The following ZNF169 variants were observed in gnomAD, a reference collection of about 807,000 sequenced individuals.
ZNF169 encodes zinc finger protein 169.
ZNF169 carries 11 observed loss-of-function variants against 12.0 expected under a neutral mutation model. The observed-to-expected ratio is 0.92, with a 90% confidence interval of 0.58 to 1.52. The LOEUF is 1.52. ZNF169 is among the 40% of genes most tolerant of loss of function. The pLI is 0.00. For missense variants in ZNF169, 722 were observed against 744.0 expected (o/e 0.97, Z 0.34); for synonymous variants, 302 against 286.5 (o/e 1.05, Z -0.55).
In ZNF169 at chr9:94,299,913, A is replaced by G. The variant is rs1831020944; in HGVS notation, c.355A>G (p.Ile119Val). The stretch of plus-strand genomic sequence containing the variant: ...TGCGCTAAGTGGCCATCCCACACAG[A>G]TCTTCCCAAGCTCATCTGCAGGAGG... ...QYALSGHPTQIFPSSSAGGDF... is the reference protein window; with the variant it reads ...QYALSGHPTQVFPSSSAGGDF... The change falls in exon 5 of 5, where the codon ATC (isoleucine) becomes GTC (valine). Residue 119 changes from isoleucine to valine, a missense_variant. Ile to Val is a conservative substitution (Grantham distance 29). Coordinates refer to ENST00000395395, the MANE Select transcript of ZNF169 (RefSeq NM_194320.4). The G allele has an allele frequency of 1.2e-6, 2 of 1,614,168 alleles. No individual in the cohort carries two copies. The highest frequency in any genetic ancestry group is 3.3e-4 in the Middle Eastern group (2 of 6,062).
chr9:94,279,829 G>A (rs752980112), intron 2 of ZNF169, among the ~76,000 whole-genome samples: 4 of 152,124 alleles, frequency 2.6e-5, no homozygotes, highest in Non-Finnish European at 4.4e-5. Context: ...ATTTAGTTTT[G>A]CAGGCCCATA....
At chr9:94,299,492 CAA>C (rs950997895) in intron 4 of ZNF169, 25 of 1,259,350 alleles carry the variant, frequency 2.0e-5, no homozygotes, top group Non-Finnish European at 2.5e-5. Flanking sequence ...GCAGGCCGAA[CAA>C]ATGTTTCTCA....
At chr9:94,296,906 G>A (rs964415619) in intron 4 of ZNF169, 2 of 442,006 alleles carry the variant, frequency 4.5e-6, no homozygotes, top group African/African-American at 2.0e-5. Flanking sequence ...AACTAGCCGA[G>A]TGTGGTGGTG....
At chr9:94,298,154 G>A (rs1291875227) in intron 4 of ZNF169, among the ~76,000 whole-genome samples, 4 of 149,118 alleles carry the variant, frequency 2.7e-5, no homozygotes, top group Non-Finnish European at 3.0e-5. Flanking sequence ...GCGACAGTGC[G>A]AGACTCCTTT....
At chr9:94,288,777 C>T (rs190739055) in intron 2 of ZNF169, among the ~76,000 whole-genome samples, 1 of 152,282 alleles carries the variant, frequency 6.6e-6, no homozygotes, top group East Asian at 1.9e-4. Context: ...CTGAGGCCTC[C>T]CATCCATGCT....
intron 1 of ZNF169, among the ~76,000 whole-genome samples, chr9:94,262,561 C>A (rs1284228445): frequency 6.6e-6 from 1 of 151,996 alleles, no homozygotes; most frequent in South Asian, 2.1e-4. Context: ...CAAGTTCAAG[C>A]GATTCTCCTG....
intron 2 of ZNF169, among the ~76,000 whole-genome samples, chr9:94,284,379 C>T (rs765300717): frequency 3.3e-5 from 5 of 151,184 alleles, no homozygotes; most frequent in African/African-American, 7.3e-5. Flanking sequence ...GAGATGAGAT[C>T]GTGCCACTGC....
intron 2 of ZNF169, among the ~76,000 whole-genome samples, chr9:94,289,213 A>G (rs1229352436): frequency 6.6e-6 from 1 of 151,932 alleles, no homozygotes; most frequent in Non-Finnish European, 1.5e-5. Flanking sequence ...AGCCTGGGCA[A>G]CATAGTAAGA....
chr9:94,283,249 A>C (rs531748061), intron 2 of ZNF169, among the ~76,000 whole-genome samples: 5 of 152,162 alleles, frequency 3.3e-5, no homozygotes, highest in Non-Finnish European at 7.4e-5. Flanking sequence ...TCTCTACTAA[A>C]AACACAAAAA....
rs1831074855 is a variant in ZNF169, at chr9:94,301,348, T to C, written c.1790T>C (p.Leu597Pro). The C allele has an allele frequency of 1.9e-6, 3 of 1,612,626 alleles. No individual in the cohort carries two copies. The highest frequency in any genetic ancestry group is 1.7e-6 in the Non-Finnish European group (2 of 1,179,054). The change falls in exon 5 of 5, where the codon CTC becomes CCC. Residue 597 changes from leucine (L) to proline (P), a missense_variant. Leu to Pro is a moderately conservative substitution (Grantham distance 98). Transcript: ENST00000395395. The part of the protein sequence containing the change: ...RHRRTKSGHQ[L>P]LPQEVF The stretch of plus-strand genomic sequence containing the variant: ...AGGAGGACCAAGTCTGGTCATCAGC[T>C]CCTACCCCAAGAGGTCTTCTGACCT...
intron 1 of ZNF169, among the ~76,000 whole-genome samples, chr9:94,267,059 C>T (rs1376539973): frequency 1.3e-5 from 2 of 152,124 alleles, no homozygotes; most frequent in East Asian, 3.9e-4. Context: ...CAGGCGAGCG[C>T]CACCACGCCC....
At chr9:94,298,600 G>A (rs1291633674) in intron 4 of ZNF169, among the ~76,000 whole-genome samples, 2 of 151,846 alleles carry the variant, frequency 1.3e-5, no homozygotes, top group Non-Finnish European at 2.9e-5. Flanking sequence ...AGCCGGGCAT[G>A]GTGGTGCACG....
intron 1 of ZNF169, among the ~76,000 whole-genome samples, chr9:94,273,885 T>A (rs898701446): frequency 3.9e-5 from 6 of 152,194 alleles, no homozygotes; most frequent in Non-Finnish European, 8.8e-5. Flanking sequence ...GGCCAAAAGC[T>A]ATAACTTTCT....
intron 2 of ZNF169, chr9:94,288,157 CA>C: frequency 3.7e-6 from 3 of 807,980 alleles, no homozygotes; most frequent in Non-Finnish European, 6.6e-6. Context: ...CCAGCAATGT[CA>C]AAATCCATGT....
chr9:94,279,882 T>C (rs1157470240), intron 2 of ZNF169, among the ~76,000 whole-genome samples: 2 of 152,178 alleles, frequency 1.3e-5, no homozygotes, highest in African/African-American at 4.8e-5. Flanking sequence ...TGGAAGATTA[T>C]GCTTAAAGGT....
Position 94,300,213 on chromosome 9 carries a change from C to T in ZNF169, c.655C>T (p.Leu219=). The T allele has an allele frequency of 6.2e-7, 1 of 1,614,200 alleles. No individual in the cohort carries two copies. The highest frequency in any genetic ancestry group is 2.2e-5 in the East Asian group (1 of 44,886). ...SGAVIRGNYR[L]GLSKKSSLFS... is the part of the protein sequence containing the mutation. ...AGCAGTCATACGTGGAAACTATAGA[C>T]TGGGACTTAGCAAAAAGTCAAGCCT... Residue 219 remains leucine, a synonymous_variant, in exon 5 of 5, where the codon CTG becomes TTG. Coordinates refer to ENST00000395395, the MANE Select transcript of ZNF169 (RefSeq NM_194320.4).
chr9:94,269,066 T>C (rs1830345171), intron 1 of ZNF169, among the ~76,000 whole-genome samples: 1 of 144,738 alleles, frequency 6.9e-6, no homozygotes, highest in Admixed American at 6.9e-5. Flanking sequence ...ATTGAGCTCC[T>C]AAAAAAAAAA....
rs766251889 is a variant in ZNF169 at position 94,300,541 on chromosome 9, G to A, written c.983G>A (p.Arg328His). ...TGTCAGGAGTGTGGGCGAGGCTTTCGCCAGAAGATAGCCCTCCTTCTACAC... is the reference window on the plus strand; with the variant it reads ...TGTCAGGAGTGTGGGCGAGGCTTTCACCAGAAGATAGCCCTCCTTCTACAC... ...FVCQECGRGF[R>H]QKIALLLHQR... Residue 328 changes from arginine (R) to histidine (H), a missense_variant, in exon 5 of 5, where the codon CGC becomes CAC. Arg to His is a conservative substitution (Grantham distance 29). Coordinates refer to ENST00000395395, the MANE Select transcript of ZNF169 (RefSeq NM_194320.4). 1.5e-5 allele frequency: 25 copies of A among 1,614,040 alleles called. No homozygotes were observed. The highest frequency in any genetic ancestry group is 2.7e-5 in the African/African-American group (2 of 74,936).
intron 1 of ZNF169, among the ~76,000 whole-genome samples, chr9:94,277,110 C>G (rs947157987): frequency 3.3e-5 from 5 of 152,098 alleles, no homozygotes; most frequent in Non-Finnish European, 5.9e-5. Flanking sequence ...GACGGGACAA[C>G]TCAAAGTAGG....
Sources: allele counts gnomAD v4.1 joint callset (sites outside exome capture counted in the v4.1 genomes callset), GRCh38; gene constraint gnomAD v4.1.1; transcripts MANE v1.5; gene names NCBI Gene and HGNC (gene_info 2026-07-23, HGNC 2026-07-21).